Variants in ABTB3 observed in about 807,000 individuals in gnomAD.
ABTB3 encodes the protein ankyrin repeat- and BTB/POZ domain-containing protein 3.
the ABTB3 span, among the ~76,000 whole-genome samples, chr12:107,501,804 T>C: frequency 1.3e-3 from 192 of 152,174 alleles, 2 homozygotes; most frequent in Admixed American, 1.6e-3. Context: ...AGAGCGTCCA[T>C]AGGTGGGGAA....
At chr12:107,559,255 C>T in the ABTB3 span, among the ~76,000 whole-genome samples, 1 of 152,248 alleles carries the variant, frequency 6.6e-6, no homozygotes. Flanking sequence ...CAGTTGGCCT[C>T]CTCCTTTCTC....
chr12:107,437,569 G>A, the ABTB3 span, among the ~76,000 whole-genome samples: 1 of 151,752 alleles, frequency 6.6e-6, no homozygotes, highest in Admixed American at 6.6e-5. Flanking sequence ...GCTAATTTTT[G>A]TATTTGTTTT....
At chr12:107,356,478 T>C in the ABTB3 span, among the ~76,000 whole-genome samples, 3 of 152,216 alleles carry the variant, frequency 2.0e-5, no homozygotes, top group South Asian at 2.1e-4. Flanking sequence ...GTGACCACTA[T>C]GGAGAGGTTG....
the ABTB3 span, among the ~76,000 whole-genome samples, chr12:107,584,669 GC>G: frequency 1.3e-5 from 2 of 152,206 alleles, no homozygotes; most frequent in East Asian, 3.8e-4. Flanking sequence ...CTACCAGCTG[GC>G]CGAGGGTTCC....
chr12:107,325,533 A>T, the ABTB3 span, among the ~76,000 whole-genome samples: 1 of 152,210 alleles, frequency 6.6e-6, no homozygotes. Flanking sequence ...GTGCTGGGGC[A>T]TTTGCAAGTT....
At chr12:107,589,235 G>C in the ABTB3 span, among the ~76,000 whole-genome samples, 5 of 152,200 alleles carry the variant, frequency 3.3e-5, no homozygotes, top group African/African-American at 1.2e-4. Flanking sequence ...CTTTCTGGTT[G>C]CCAAAAACAA....
chr12:107,531,885 T>C, the ABTB3 span, among the ~76,000 whole-genome samples: 1 of 152,140 alleles, frequency 6.6e-6, no homozygotes, highest in Admixed American at 6.5e-5. Context: ...CTCAGAAGTC[T>C]GCAGCATTGC....
the ABTB3 span, among the ~76,000 whole-genome samples, chr12:107,361,729 A>G: frequency 6.6e-6 from 1 of 152,194 alleles, no homozygotes; most frequent in Non-Finnish European, 1.5e-5. Flanking sequence ...AGAGATGGAA[A>G]TGCTGCTTGT....
the ABTB3 span, among the ~76,000 whole-genome samples, chr12:107,390,025 A>C: frequency 6.6e-6 from 1 of 152,110 alleles, no homozygotes; most frequent in Non-Finnish European, 1.5e-5. Context: ...GGGCTTCCAA[A>C]AGCTCAAAAG....
the ABTB3 span, among the ~76,000 whole-genome samples, chr12:107,482,904 CT>C: frequency 8.4e-4 from 113 of 134,838 alleles, 2 homozygotes; most frequent in African/African-American, 2.8e-3. Context: ...CTCTCTCTCT[CT>C]CTTTCTTCTT....
chr12:107,538,202 G>A, the ABTB3 span, among the ~76,000 whole-genome samples: 1 of 152,258 alleles, frequency 6.6e-6, no homozygotes, highest in Non-Finnish European at 1.5e-5. Flanking sequence ...GAAGACCCCT[G>A]CCTTCACAGG....
At chr12:107,419,933 G>A in the ABTB3 span, among the ~76,000 whole-genome samples, 16 of 152,304 alleles carry the variant, frequency 1.1e-4, no homozygotes, top group East Asian at 1.9e-3. Context: ...AAGCCCAGGC[G>A]GAGTGGTATG....
chr12:107,610,544 C>T, the ABTB3 span: 1 of 597,124 alleles, frequency 1.7e-6, no homozygotes, highest in African/African-American at 1.8e-5. Flanking sequence ...TACTGTGGTT[C>T]ATCTTTATAG....
At chr12:107,550,085 G>C in the ABTB3 span, among the ~76,000 whole-genome samples, 1 of 152,172 alleles carries the variant, frequency 6.6e-6, no homozygotes, top group South Asian at 2.1e-4. Flanking sequence ...GGTAGCCTAT[G>C]ATAGTCCCAT....
chr12:107,440,097 C>A, the ABTB3 span, among the ~76,000 whole-genome samples: 1 of 152,232 alleles, frequency 6.6e-6, no homozygotes, highest in African/African-American at 2.4e-5. Flanking sequence ...CCCGCCGCTC[C>A]TTACAATCCA....
the ABTB3 span, among the ~76,000 whole-genome samples, chr12:107,416,420 G>A: frequency 6.6e-6 from 1 of 152,164 alleles, no homozygotes; most frequent in Admixed American, 6.5e-5. Flanking sequence ...CGTTTATGCT[G>A]AGGGGGTGGG....
At chr12:107,417,690 T>C in the ABTB3 span, among the ~76,000 whole-genome samples, 2 of 152,240 alleles carry the variant, frequency 1.3e-5, no homozygotes, top group Non-Finnish European at 2.9e-5. Flanking sequence ...GTGTGTACCA[T>C]CAACAGCAGA....
chr12:107,320,379 A>T, the ABTB3 span, among the ~76,000 whole-genome samples: 1 of 152,316 alleles, frequency 6.6e-6, no homozygotes, highest in Admixed American at 6.5e-5. Context: ...CATTTTTTGG[A>T]GCAGGGTTGA....
the ABTB3 span, among the ~76,000 whole-genome samples, chr12:107,339,295 C>A: frequency 6.6e-6 from 1 of 152,166 alleles, no homozygotes. Flanking sequence ...CTCGGCTCAG[C>A]TATCAATCTG....
Sources: gnomAD v4.1 joint callset for allele counts (sites outside exome capture counted in the v4.1 genomes callset) on GRCh38, gnomAD v4.1.1 for gene constraint, MANE v1.5 for transcripts, NCBI Gene and HGNC (gene_info 2026-07-23, HGNC 2026-07-21) for gene names.